Variants in HS2ST1 observed in about 807,000 individuals in gnomAD.
HS2ST1 encodes 2-O-sulfotransferase.
A neutral mutation model predicts 42.9 loss-of-function variants in HS2ST1; 18 were observed. The observed-to-expected ratio is 0.42, with a 90% CI of 0.29 to 0.62. HS2ST1 has a LOEUF of 0.62. Among genes scored for constraint, HS2ST1 ranks in the 20% least tolerant of loss-of-function variants. The pLI, the probability that HS2ST1 is intolerant of heterozygous loss-of-function variation, is 0.21. For synonymous variants in HS2ST1, 146 were observed against 152.9 expected, an observed-to-expected ratio of 0.95 and a Z score of 0.33; for missense variants, 334 against 433.8, an observed-to-expected ratio of 0.77 and a Z score of 2.04.
intron 1 of HS2ST1, among the ~76,000 whole-genome samples, chr1:87,018,991 A>T (rs751534495): frequency 3.3e-5 from 5 of 152,230 alleles, no homozygotes; most frequent in Non-Finnish European, 5.9e-5. Context: ...TTCTTTAGAT[A>T]GGCATTCTTG....
chr1:86,940,998 A>G (rs959478301), intron 1 of HS2ST1, among the ~76,000 whole-genome samples: 2 of 152,132 alleles, frequency 1.3e-5, no homozygotes, highest in South Asian at 2.1e-4. Context: ...AAAAAAGAAA[A>G]AACACATTGG....
chr1:87,045,302 A>G, intron 1 of HS2ST1: 1 of 1,153,018 alleles, frequency 8.7e-7, no homozygotes. Flanking sequence ...ATCTGCTTGA[A>G]GCCAGCTGCA....
chr1:86,990,767 C>T (rs1254971957), intron 1 of HS2ST1, among the ~76,000 whole-genome samples: 4 of 137,492 alleles, frequency 2.9e-5, no homozygotes, highest in Non-Finnish European at 3.1e-5. Context: ...CCTCACCTCC[C>T]GAGTAACTGG....
Position 87,101,149 on chromosome 1 carries a change from G to GTTTTTTTTTTTTTTT in HS2ST1, c.687-2277_687-2276insTTTTTTTTTTTTTTT, listed in dbSNP as rs1177785858. Among the ~76,000 whole-genome samples, 49 of 59,540 alleles carry GTTTTTTTTTTTTTTT rather than the reference G, an allele frequency of 8.2e-4. 21 individuals carry two copies. Among genetic ancestry groups the GTTTTTTTTTTTTTTT allele is most frequent in the Non-Finnish European group, 1.1e-3 (37 of 33,766 alleles). The allele number at this position is 59,540 out of a possible 152,430, so 39.1% of individuals were successfully genotyped here. On this transcript the variant is annotated intron_variant, in intron 5 of 6. Coordinates refer to ENST00000370550, the MANE Select transcript of HS2ST1 (RefSeq NM_012262.4). ...TCATCACTTTTGTGTGTGTGTGTGT[G>GTTTTTTTTTTTTTTT]TTTTTTGTTTTTTTTTTTTTTTTTT...
Position 87,108,226 on chromosome 1 carries a change from C to T in HS2ST1, c.*3530C>T, listed in dbSNP as rs911891340. ...TAGAGAATTTAACTAAAAGCTGGTT[C>T]CCAAATGCATAGCTGGCATTTTAAT... On this transcript the variant is annotated 3_prime_UTR_variant, in exon 7 of 7. Coordinates refer to ENST00000370550, the MANE Select transcript of HS2ST1 (RefSeq NM_012262.4). 2 of 152,052 alleles carry T rather than the reference C, an allele frequency of 1.3e-5. No homozygotes were observed. Among genetic ancestry groups the T allele is most frequent in the African/African-American group, 4.8e-5 (2 of 41,406 alleles). The allele number at this position is 152,052 out of a possible 1,614,324, so 9.4% of individuals were successfully genotyped here.
At chr1:86,972,378 G>A (rs1345125052) in intron 1 of HS2ST1, among the ~76,000 whole-genome samples, 13 of 151,996 alleles carry the variant, frequency 8.6e-5, no homozygotes, top group Non-Finnish European at 2.9e-5. Flanking sequence ...AGAGATGGAG[G>A]TCTCATTCTA....
chr1:87,081,352 A>T (rs557606965), intron 2 of HS2ST1, among the ~76,000 whole-genome samples: 4 of 152,350 alleles, frequency 2.6e-5, no homozygotes, highest in African/African-American at 9.6e-5. Flanking sequence ...AATTGAAATT[A>T]TATCAAATAT....
intron 1 of HS2ST1, among the ~76,000 whole-genome samples, chr1:86,939,689 T>C (rs1660724755): frequency 6.6e-6 from 1 of 152,226 alleles, no homozygotes; most frequent in African/African-American, 2.4e-5. Flanking sequence ...GTTAAGAGCC[T>C]CTAGAGACTC....
At chr1:86,969,399 T>G (rs1338862022) in intron 1 of HS2ST1, among the ~76,000 whole-genome samples, 1 of 152,238 alleles carries the variant, frequency 6.6e-6, no homozygotes, top group East Asian at 1.9e-4. Context: ...CGTGTGTGTG[T>G]GTGTGCGCAC....
At chr1:87,052,982 G>T (rs1170432718) in intron 1 of HS2ST1, among the ~76,000 whole-genome samples, 1 of 152,172 alleles carries the variant, frequency 6.6e-6, no homozygotes, top group Non-Finnish European at 1.5e-5. Flanking sequence ...GCAGGAATTT[G>T]TATTTTAACA....
chr1:86,953,214 A>G (rs1305857062), intron 1 of HS2ST1, among the ~76,000 whole-genome samples: 1 of 152,206 alleles, frequency 6.6e-6, no homozygotes, highest in African/African-American at 2.4e-5. Context: ...CTTGGAATTG[A>G]AGAGAGTTAA....
chr1:86,938,295 A>G (rs1660695970), intron 1 of HS2ST1, among the ~76,000 whole-genome samples: 1 of 152,168 alleles, frequency 6.6e-6, no homozygotes, highest in Non-Finnish European at 1.5e-5. Context: ...TTGGAAGTAA[A>G]GTATACATAG....
chr1:87,071,261 T>C (rs1448180770), intron 1 of HS2ST1, among the ~76,000 whole-genome samples: 1 of 152,196 alleles, frequency 6.6e-6, no homozygotes, highest in African/African-American at 2.4e-5. Context: ...CAAAGATGCA[T>C]GCTCTGACAA....
chr1:87,104,841 G>A lies in HS2ST1; in HGVS notation c.*145G>A, dbSNP rs751884333. On this transcript the variant is annotated 3_prime_UTR_variant, in exon 7 of 7. Transcript: ENST00000370550. ...ATTAGGAAACAGACAGTAACGTCAA[G>A]GAAGTAGATACTGGCTGGCATTGTC... 110 of 586,310 alleles carry A rather than the reference G, an allele frequency of 1.9e-4. No individual in the cohort carries two copies. In the Middle Eastern group the frequency reaches 2.9e-3, roughly 16 times the overall value. 36.3% of individuals were successfully genotyped at this position (586,310 alleles called of 1,614,324 possible).
At chr1:87,052,122 G>A (rs1279610244) in intron 1 of HS2ST1, among the ~76,000 whole-genome samples, 1 of 152,004 alleles carries the variant, frequency 6.6e-6, no homozygotes, top group South Asian at 2.1e-4. Flanking sequence ...GCATGATAGC[G>A]CACACCTGTA....
At chr1:87,082,050 A>C (rs1167206730) in intron 2 of HS2ST1, among the ~76,000 whole-genome samples, 1 of 152,134 alleles carries the variant, frequency 6.6e-6, no homozygotes, top group African/African-American at 2.4e-5. Flanking sequence ...CTTTTAGCCC[A>C]GGATAAAAAG....
At chr1:87,101,036 T>C (rs1272419416) in intron 5 of HS2ST1, among the ~76,000 whole-genome samples, 2 of 152,112 alleles carry the variant, frequency 1.3e-5, no homozygotes, top group Non-Finnish European at 2.9e-5. Flanking sequence ...TCCTTTGCTC[T>C]TGCATTTGAT....
chr1:87,022,820 A>G (rs1649985524), intron 1 of HS2ST1, among the ~76,000 whole-genome samples: 1 of 152,220 alleles, frequency 6.6e-6, no homozygotes, highest in East Asian at 1.9e-4. Flanking sequence ...AGTCAGGCAT[A>G]TGCAACTCAA....
intron 1 of HS2ST1, among the ~76,000 whole-genome samples, chr1:87,029,384 A>G (rs1415107556): frequency 1.3e-5 from 2 of 152,168 alleles, no homozygotes; most frequent in South Asian, 2.1e-4. Flanking sequence ...TTAAGTCTTT[A>G]TATCTTTTCT....
Sources: allele counts gnomAD v4.1 joint callset (sites outside exome capture counted in the v4.1 genomes callset), GRCh38; gene constraint gnomAD v4.1.1; transcripts MANE v1.5; gene names NCBI Gene and HGNC (gene_info 2026-07-23, HGNC 2026-07-21).